Variants in PTPRQ observed in about 807,000 individuals in gnomAD.
The protein encoded by PTPRQ is phosphatidylinositol phosphatase PTPRQ.
A neutral mutation model predicts 246.0 loss-of-function variants in PTPRQ; 199 were observed. The observed-to-expected ratio is 0.81, with a 90% confidence interval of 0.72 to 0.91. The LOEUF (loss-of-function observed/expected upper bound fraction) is 0.91, where lower values mean the gene tolerates loss of function less well. Among genes scored for constraint, PTPRQ ranks in the 40% least tolerant of loss-of-function variants. The pLI, the probability that PTPRQ is intolerant of heterozygous loss-of-function variation, is 0.00. For synonymous variants in PTPRQ, 869 were observed against 853.2 expected (o/e 1.02, Z -0.32); for missense variants, 2,624 against 2,528.4 (o/e 1.04, Z -0.81).
Position 80,564,246 on chromosome 12 carries a change from G to C in PTPRQ, c.4285+14512G>C, listed in dbSNP as rs542949472. On this transcript the variant is annotated intron_variant, in intron 25 of 44. Coordinates refer to ENST00000644991, the MANE Select transcript of PTPRQ (RefSeq NM_001145026.2). ...TTTTTATGGGGGCTTTTTTTGGTCA[G>C]TTGGTTGGTATTTCCAGATTGCTGG... Among the ~76,000 whole-genome samples, 108 of 152,208 alleles carry C rather than the reference G, an allele frequency of 7.1e-4. 1 individual carries two copies. The highest frequency in any genetic ancestry group is 1.3e-3 in the Non-Finnish European group (88 of 67,998).
chr12:80,583,264 G>A (rs1358073811), intron 25 of PTPRQ, among the ~76,000 whole-genome samples: 2 of 151,994 alleles, frequency 1.3e-5, no homozygotes, highest in African/African-American at 4.8e-5. Context: ...TAGACTCTGA[G>A]AGAGAAAATC....
chr12:80,459,055 G>A (rs373026335), intron 4 of PTPRQ, among the ~76,000 whole-genome samples: 13 of 151,918 alleles, frequency 8.6e-5, no homozygotes, highest in African/African-American at 1.2e-4. Context: ...TATTTGAAAC[G>A]TTTCATCAAT....
At chr12:80,502,694 G>T (rs893629503) in intron 14 of PTPRQ, among the ~76,000 whole-genome samples, 1 of 151,848 alleles carries the variant, frequency 6.6e-6, no homozygotes, top group Non-Finnish European at 1.5e-5. Context: ...GAGGGTCAGA[G>T]AATTGTTGGA....
intron 17 of PTPRQ, among the ~76,000 whole-genome samples, chr12:80,529,436 C>T (rs1592619626): frequency 6.6e-6 from 1 of 152,206 alleles, no homozygotes; most frequent in Middle Eastern, 3.4e-3. Flanking sequence ...AAGATTAAAA[C>T]TAAGACTATG....
intron 8 of PTPRQ, among the ~76,000 whole-genome samples, chr12:80,477,446 A>C (rs1893849124): frequency 6.6e-6 from 1 of 152,212 alleles, no homozygotes; most frequent in African/African-American, 2.4e-5. Context: ...GTTTCAAACA[A>C]ATGTTATGAC....
intron 25 of PTPRQ, among the ~76,000 whole-genome samples, chr12:80,587,326 C>T (rs938180364): frequency 6.6e-6 from 1 of 152,150 alleles, no homozygotes; most frequent in Non-Finnish European, 1.5e-5. Context: ...TCTCCATCTT[C>T]TTAACAAAGG....
At chr12:80,474,803 G>A (rs60443777) in intron 8 of PTPRQ, among the ~76,000 whole-genome samples, 1,869 of 152,154 alleles carry the variant, frequency 0.012, 47 homozygotes, top group African/African-American at 0.042. Flanking sequence ...TTTCTGTCAG[G>A]GTAGTTTAGC....
chr12:80,522,576 C>G (rs1198959856), intron 17 of PTPRQ, among the ~76,000 whole-genome samples: 1 of 151,996 alleles, frequency 6.6e-6, no homozygotes, highest in Non-Finnish European at 1.5e-5. Flanking sequence ...ACGTGAAGGG[C>G]TGTTGAATTT....
chr12:80,569,142 T>TA (rs1262056233), intron 25 of PTPRQ, among the ~76,000 whole-genome samples: 1 of 151,012 alleles, frequency 6.6e-6, no homozygotes, highest in East Asian at 1.9e-4. Flanking sequence ...TTTTTTTTTT[T>TA]TTTTTTTACT....
intron 3 of PTPRQ, among the ~76,000 whole-genome samples, chr12:80,449,560 T>A (rs1221524917): frequency 6.6e-6 from 1 of 152,022 alleles, no homozygotes; most frequent in Non-Finnish European, 1.5e-5. Flanking sequence ...GTATAAGGTG[T>A]AAGGAAGGGA....
rs12426824 is a variant in PTPRQ, at chr12:80,546,243, C to T, written c.3874-313C>T. ...CTGAGGCAGGGAGAATGGCTTGAAC[C>T]TGGGAGTCCACCTCCCACTGCACTC... On this transcript the variant is annotated intron_variant, in intron 23 of 44. Coordinates refer to ENST00000644991, the MANE Select transcript of PTPRQ (RefSeq NM_001145026.2). Among the ~76,000 whole-genome samples, 1,415 of 151,830 alleles carry T rather than the reference C, an allele frequency of 9.3e-3. 56 individuals are homozygous for T. In the East Asian group the frequency reaches 0.11, roughly 12 times the overall value.
chr12:80,608,464 A>G (rs1203131688), intron 27 of PTPRQ, among the ~76,000 whole-genome samples: 1 of 150,148 alleles, frequency 6.7e-6, no homozygotes, highest in Non-Finnish European at 1.5e-5. Flanking sequence ...ATACTTTTAA[A>G]GATATAATAT....
chr12:80,559,014 T>C (rs1896746181), intron 25 of PTPRQ, among the ~76,000 whole-genome samples: 1 of 152,154 alleles, frequency 6.6e-6, no homozygotes, highest in Non-Finnish European at 1.5e-5. Flanking sequence ...TTGCAAATGA[T>C]TTTTGCCAGG....
chr12:80,667,092 C>T (rs933291215), intron 39 of PTPRQ, among the ~76,000 whole-genome samples: 1 of 151,970 alleles, frequency 6.6e-6, no homozygotes, highest in Non-Finnish European at 1.5e-5. Flanking sequence ...TAAAGCACCA[C>T]TTATACTCCC....
intron 25 of PTPRQ, among the ~76,000 whole-genome samples, chr12:80,560,480 C>G (rs1896790671): frequency 6.6e-6 from 1 of 152,108 alleles, no homozygotes; most frequent in Non-Finnish European, 1.5e-5. Flanking sequence ...CTGTGTTTAA[C>G]AATAATACCT....
At chr12:80,623,343 C>T (rs1396233615) in intron 33 of PTPRQ, among the ~76,000 whole-genome samples, 1 of 152,120 alleles carries the variant, frequency 6.6e-6, no homozygotes, top group East Asian at 1.9e-4. Flanking sequence ...AGAGAAATAA[C>T]AAATTTCTTT....
chr12:80,584,859 A>C (rs952292503), intron 25 of PTPRQ, among the ~76,000 whole-genome samples: 1 of 152,108 alleles, frequency 6.6e-6, no homozygotes, highest in Non-Finnish European at 1.5e-5. Flanking sequence ...GAAAATTCTA[A>C]AACTTCTTCC....
chr12:80,616,225 C>G lies in PTPRQ; in HGVS notation c.5189C>G (p.Ala1730Gly). ...ISVYAVNSAGAGPKVPMRITM... is the reference protein window; with the variant it reads ...ISVYAVNSAGGGPKVPMRITM... ...GTTTACGCAGTCAATAGTGCTGGTG[C>G]AGGTCCAAAGGTTCCGATGAGAATA... The change falls in exon 30 of 45, where the codon GCA becomes GGA. Residue 1730 changes from alanine (A) to glycine (G), a missense_variant. By Grantham distance (60) the Ala-to-Gly change is moderately conservative (BLOSUM62 0). Transcript: ENST00000644991. 2 of 1,489,794 alleles carry G rather than the reference C, an allele frequency of 1.3e-6. No individual in the cohort carries two copies. The highest frequency in any genetic ancestry group is 1.8e-6 in the Non-Finnish European group (2 of 1,117,446). 92.3% of individuals were successfully genotyped at this position (1,489,794 alleles called of 1,614,324 possible).
intron 10 of PTPRQ, among the ~76,000 whole-genome samples, chr12:80,493,760 A>G (rs1399734474): frequency 6.6e-6 from 1 of 152,008 alleles, no homozygotes; most frequent in African/African-American, 2.4e-5. Flanking sequence ...GGATTAACAT[A>G]TCTTCAAATC....
Sources: gnomAD v4.1 joint callset for allele counts (sites outside exome capture counted in the v4.1 genomes callset) on GRCh38, gnomAD v4.1.1 for gene constraint, MANE v1.5 for transcripts, NCBI Gene and HGNC (gene_info 2026-07-23, HGNC 2026-07-21) for gene names.